TWF1: variants seen among roughly 807,000 people sequenced by gnomAD.
The protein encoded by TWF1 is twinfilin actin binding protein 1.
Under a neutral mutation model 47.9 loss-of-function variants are expected in TWF1, and 14 were observed. That is an observed-to-expected ratio of 0.29 (90% CI 0.19 to 0.46). The LOEUF (loss-of-function observed/expected upper bound fraction) is 0.46, where lower values mean the gene tolerates loss of function less well. TWF1 is among the 20% of genes least tolerant of loss of function. The pLI, the probability that TWF1 is intolerant of heterozygous loss-of-function variation, is 1.00. For missense variants in TWF1, 281 were observed against 409.3 expected, an observed-to-expected ratio of 0.69 and a Z score of 2.70; for synonymous variants, 96 against 139.2, an observed-to-expected ratio of 0.69 and a Z score of 2.18.
chr12:43,797,488 A>G (rs1172283630), intron 6 of TWF1, 36 bp from the exon 7 acceptor site: 5 of 1,489,970 alleles, frequency 3.4e-6, no homozygotes, highest in Non-Finnish European at 4.5e-6. Context: ...CATTAAAACC[A>G]GATATAAGGA....
Position 43,797,927 on chromosome 12 carries a change from A to T in TWF1, c.484-94T>A, listed in dbSNP as rs536627879. 34 of 1,269,974 alleles carry T rather than the reference A, an allele frequency of 2.7e-5. No individual in the cohort carries two copies. In the South Asian group the frequency reaches 4.9e-4, roughly 18 times the overall value. 78.7% of individuals were successfully genotyped at this position (1,269,974 alleles called of 1,614,324 possible). On this transcript the variant is annotated intron_variant, in intron 5 of 8. Coordinates refer to ENST00000395510, the MANE Select transcript of TWF1 (RefSeq NM_002822.5). ...CAACCTCTATAAAATAGTATCATTCAACCCTAGCCCAACCTATAATTAAAA... is the reference window on the plus strand; with the variant it reads ...CAACCTCTATAAAATAGTATCATTCTACCCTAGCCCAACCTATAATTAAAA...
chr12:43,803,417 G>T lies in TWF1; in HGVS notation c.104-953C>A, dbSNP rs1399742760. 2.0e-5 allele frequency among the ~76,000 whole-genome samples: 3 copies of T among 152,238 alleles called. No individual in the cohort carries two copies. The East Asian group carries it at 5.8e-4, about 29-fold the overall frequency. ...AAACACTGAATTTTCTAAAATGCTT[G>T]AAGTAAATAAGATAAAATGTTAGCA... On this transcript the variant is annotated intron_variant, in intron 2 of 8. Coordinates refer to ENST00000395510, the MANE Select transcript of TWF1 (RefSeq NM_002822.5).
Position 43,793,764 on chromosome 12 carries a change from T to C in TWF1, c.*1821A>G, listed in dbSNP as rs1252971818. The C allele has an allele frequency of 2.0e-5, 3 of 152,602 alleles. No individual in the cohort carries two copies. Among genetic ancestry groups the C allele is most frequent in the African/African-American group, 7.2e-5 (3 of 41,444 alleles). 9.5% of individuals were successfully genotyped at this position (152,602 alleles called of 1,614,324 possible). A position where few individuals can be genotyped will look rare whatever the true frequency, so the allele number is the denominator to read the frequency against. On this transcript the variant is annotated 3_prime_UTR_variant, in exon 9 of 9. Coordinates refer to ENST00000395510, the MANE Select transcript of TWF1 (RefSeq NM_002822.5). ...TTTATTGTGATATAAAATGCACTTATAAAATGTCCACCAGAAGGCATGTAA... is the reference window on the plus strand; with the variant it reads ...TTTATTGTGATATAAAATGCACTTACAAAATGTCCACCAGAAGGCATGTAA...
Position 43,795,680 on chromosome 12 carries a change from T to C in TWF1, c.958A>G (p.Lys320Glu). The C allele has an allele frequency of 6.2e-7, 1 of 1,613,872 alleles. No individual in the cohort carries two copies. Among genetic ancestry groups the C allele is most frequent in the Non-Finnish European group, 8.5e-7 (1 of 1,179,896 alleles). The change falls in exon 9 of 9, where the codon AAG becomes GAG. Residue 320 changes from lysine (K) to glutamate (E), a missense_variant. Physicochemically the swap from Lys to Glu is moderately conservative, Grantham distance 56. Transcript: ENST00000395510. ...CCTTTTGGTTTTGCAAAACTTTGCTTGTGTGCATGCTGCTTGGGATGTACT... is the reference window on the plus strand; with the variant it reads ...CCTTTTGGTTTTGCAAAACTTTGCTCGTGTGCATGCTGCTTGGGATGTACT... ...EEVHPKQHAH[K>E]QSFAKPKGPA...
chr12:43,801,370 G>A (rs145664599), intron 3 of TWF1, among the ~76,000 whole-genome samples: 139 of 152,242 alleles, frequency 9.1e-4, no homozygotes, highest in South Asian at 6.0e-3. Context: ...GTCAAACCCA[G>A]TATTTCTTTC....
chr12:43,801,643 T>C (rs746413084), intron 3 of TWF1, among the ~76,000 whole-genome samples: 14 of 152,214 alleles, frequency 9.2e-5, no homozygotes, highest in Non-Finnish European at 1.3e-4. Flanking sequence ...TTTAATATTA[T>C]GTTCAATTAG....
At chr12:43,804,661 GAA>G in intron 1 of TWF1, 89 bp from the exon 2 acceptor site, 3 of 852,022 alleles carry the variant, frequency 3.5e-6, no homozygotes. Flanking sequence ...AGAATACAAA[GAA>G]AAAATCTGGA....
Position 43,797,912 on chromosome 12 carries a change from A to G in TWF1, c.484-79T>C, listed in dbSNP as rs551046347. ...AAACATAAGAAAACCCAACCTCTATAAAATAGTATCATTCAACCCTAGCCC... is the reference window on the plus strand; with the variant it reads ...AAACATAAGAAAACCCAACCTCTATGAAATAGTATCATTCAACCCTAGCCC... On this transcript the variant is annotated intron_variant, in intron 5 of 8. Coordinates refer to ENST00000395510, the MANE Select transcript of TWF1 (RefSeq NM_002822.5). The G allele has an allele frequency of 1.8e-5, 26 of 1,447,132 alleles. No homozygotes were observed. The South Asian group carries it at 3.1e-4, about 17-fold the overall frequency. 89.6% of individuals were successfully genotyped at this position (1,447,132 alleles called of 1,614,324 possible).
At chr12:43,797,477 T>A in intron 6 of TWF1, 25 bp from the exon 7 acceptor site, 1 of 1,534,948 alleles carries the variant, frequency 6.5e-7, no homozygotes, top group South Asian at 1.2e-5. Context: ...CAAAATATGT[T>A]CATTAAAACC....
intron 5 of TWF1, chr12:43,798,692 G>T: frequency 1.7e-6 from 2 of 1,201,606 alleles, no homozygotes; most frequent in Non-Finnish European, 2.3e-6. Context: ...ATAGATCCTT[G>T]CTACCAGTTT....
At position 43,806,268 on chromosome 12, in the gene TWF1, C is replaced by G. The variant is rs1038274403; in HGVS notation, c.-23G>C. ...CATGGCGGCGGCCGCTAGCTCCCGG[C>G]TCCGGCGCTGAGTGCAGCCAGCGGC... On this transcript the variant is annotated 5_prime_UTR_variant, in exon 1 of 9. Coordinates refer to ENST00000395510, the MANE Select transcript of TWF1 (RefSeq NM_002822.5). 2.0e-6 allele frequency: 3 copies of G among 1,519,010 alleles called. No homozygotes were observed. Among genetic ancestry groups the G allele is most frequent in the Non-Finnish European group, 2.6e-6 (3 of 1,136,958 alleles). 94.1% of individuals were successfully genotyped at this position (1,519,010 alleles called of 1,614,324 possible).
At chr12:43,797,263 A>T in intron 7 of TWF1, 39 bp downstream of exon 7, 1 of 1,543,000 alleles carries the variant, frequency 6.5e-7, no homozygotes, top group Admixed American at 2.0e-5. Context: ...ACCAATAAAC[A>T]AACTGAAAGT....
At position 43,800,045 on chromosome 12, in the gene TWF1, G is replaced by C. The variant is rs557785063; in HGVS notation, c.378+390C>G. Among the ~76,000 whole-genome samples the C allele has an allele frequency of 6.6e-5, 10 of 152,198 alleles. No homozygotes were observed. In the East Asian group the frequency reaches 1.9e-3, roughly 29 times the overall value. On this transcript the variant is annotated intron_variant, in intron 4 of 8. Transcript: ENST00000395510. ...AGCCCACTTCACAATTAATGGTGAA[G>C]AAGCAATATATTCCCATCTAGTCTT...
chr12:43,801,516 TTC>T (rs1942660837), intron 3 of TWF1, among the ~76,000 whole-genome samples: 1 of 152,200 alleles, frequency 6.6e-6, no homozygotes, highest in Admixed American at 6.5e-5. Context: ...CATATATTAA[TTC>T]TGTCTATTGT....
Position 43,804,310 on chromosome 12 carries a change from A to G in TWF1, c.103+185T>C, listed in dbSNP as rs55877254. On this transcript the variant is annotated intron_variant, in intron 2 of 8. Transcript: ENST00000395510. The stretch of plus-strand genomic sequence containing the variant: ...ATCTTTCTGTTTCCCTGATAGTCAC[A>G]TAATTCAGAATGAAATTAGGGGCCC... 1.7e-3 allele frequency: 1,022 copies of G among 588,376 alleles called. 11 individuals are homozygous for G. In the African/African-American group the frequency reaches 0.018, roughly 10 times the overall value. The allele number at this position is 588,376 out of a possible 1,614,324, so 36.4% of individuals were successfully genotyped here.
intron 5 of TWF1, among the ~76,000 whole-genome samples, chr12:43,798,085 TTTA>T (rs766334245): frequency 3.3e-5 from 5 of 152,140 alleles, no homozygotes; most frequent in Admixed American, 2.6e-4. Context: ...TGGGTTTGTT[TTTA>T]TGTTTGGTTT....
chr12:43,802,499 G>GTC, intron 2 of TWF1, 35 bp from the exon 3 acceptor site: 1 of 1,486,372 alleles, frequency 6.7e-7, no homozygotes, highest in Non-Finnish European at 9.3e-7. Context: ...ATAGGTAAAT[G>GTC]GTTTGAGATA....
In TWF1 at chr12:43,799,559, A is replaced by G. The variant is rs1671308070; in HGVS notation, c.379-57T>C. The G allele has an allele frequency of 3.0e-6, 3 of 1,001,582 alleles. No individual in the cohort carries two copies. In the African/African-American group the frequency reaches 5.0e-5, roughly 17 times the overall value. The allele number at this position is 1,001,582 out of a possible 1,614,324, so 62.0% of individuals were successfully genotyped here. The stretch of plus-strand genomic sequence containing the variant: ...TTCTCTAGAAGTAAAATGACAGTGA[A>G]GTTACTTTAGGAAAAACAAAATCAT... On this transcript the variant is annotated intron_variant, in intron 4 of 8. Coordinates refer to ENST00000395510, the MANE Select transcript of TWF1 (RefSeq NM_002822.5).
At chr12:43,797,993 C>T (rs1191292278) in intron 5 of TWF1, 160 bp from the exon 6 acceptor site, 19 of 697,508 alleles carry the variant, frequency 2.7e-5, no homozygotes, top group Non-Finnish European at 3.7e-5. Flanking sequence ...AGCATTTTGT[C>T]AACATGCAGA....
Sources: allele counts gnomAD v4.1 joint callset (sites outside exome capture counted in the v4.1 genomes callset), GRCh38; gene constraint gnomAD v4.1.1; transcripts MANE v1.5; gene names NCBI Gene and HGNC (gene_info 2026-07-23, HGNC 2026-07-21).